Variants in CUX1 observed in about 807,000 individuals in gnomAD.
CUX1 encodes cut like homeobox 1, also known as protein CASP.
In CUX1, 31 loss-of-function variants were observed where a neutral mutation model predicts 158.8. The ratio of observed to expected loss-of-function variants is 0.20; its 90% CI spans 0.15 to 0.26. The LOEUF (loss-of-function observed/expected upper bound fraction) is 0.26, where lower values mean the gene tolerates loss of function less well. CUX1 is among the 10% of genes least tolerant of loss of function. CUX1 has a pLI of 1.00. For synonymous variants in CUX1, 879 were observed against 862.1 expected (o/e 1.02, Z -0.34); for missense variants, 1,589 against 2,014.6 (o/e 0.79, Z 4.04).
intron 3 of CUX1, among the ~76,000 whole-genome samples, chr7:102,063,313 A>C (rs1825144043): frequency 6.6e-6 from 1 of 151,834 alleles, no homozygotes; most frequent in Non-Finnish European, 1.5e-5. Context: ...AGTGGCTGTC[A>C]TCATCTCACA....
intron 14 of CUX1, among the ~76,000 whole-genome samples, chr7:102,266,734 C>T (rs1790838365): frequency 6.6e-6 from 1 of 152,120 alleles, no homozygotes; most frequent in African/African-American, 2.4e-5. Context: ...GCTGCTAACA[C>T]AGCAGCTCAG....
At chr7:101,946,574 G>T (rs896308246) in intron 2 of CUX1, among the ~76,000 whole-genome samples, 3 of 151,508 alleles carry the variant, frequency 2.0e-5, no homozygotes, top group Admixed American at 6.6e-5. Flanking sequence ...AAGAGAGAAG[G>T]GTTTCCAGCA....
intron 18 of CUX1, among the ~76,000 whole-genome samples, chr7:102,278,765 A>G (rs1791819167): frequency 6.6e-6 from 1 of 151,148 alleles, no homozygotes; most frequent in Non-Finnish European, 1.5e-5. Flanking sequence ...AGAAAATACT[A>G]GCCAGAAGGG....
chr7:102,149,044 A>C (rs1416899395), intron 8 of CUX1, among the ~76,000 whole-genome samples: 1 of 152,118 alleles, frequency 6.6e-6, no homozygotes, highest in East Asian at 1.9e-4. Context: ...TCGTGAGATA[A>C]GAAATATTCA....
At chr7:101,980,194 A>G in intron 2 of CUX1, among the ~76,000 whole-genome samples, 1 of 152,090 alleles carries the variant, frequency 6.6e-6, no homozygotes. Context: ...TGATGCCACT[A>G]CTCAGGATCT....
chr7:102,135,555 TTG>T (rs1159056399), intron 8 of CUX1, among the ~76,000 whole-genome samples: 3 of 140,850 alleles, frequency 2.1e-5, no homozygotes, highest in East Asian at 1.9e-4. Context: ...GAGGGTCAAC[TTG>T]TGTGTGTGTG....
chr7:101,895,495 G>T (rs1463784390), intron 1 of CUX1, among the ~76,000 whole-genome samples: 1 of 152,116 alleles, frequency 6.6e-6, no homozygotes, highest in East Asian at 1.9e-4. Flanking sequence ...GGAAATAAAG[G>T]AACTTGAGAC....
chr7:102,100,460 C>T (rs1829656104), intron 5 of CUX1, among the ~76,000 whole-genome samples: 1 of 152,204 alleles, frequency 6.6e-6, no homozygotes, highest in African/African-American at 2.4e-5. Flanking sequence ...ATACACACAG[C>T]ATTTGGCACT....
At chr7:101,924,829 C>T (rs1429301113) in intron 2 of CUX1, among the ~76,000 whole-genome samples, 1 of 152,136 alleles carries the variant, frequency 6.6e-6, no homozygotes, top group Non-Finnish European at 1.5e-5. Context: ...CCCACCTCAG[C>T]CTCCCAAAAT....
At chr7:102,192,349 C>T (rs1226270758) in intron 12 of CUX1, among the ~76,000 whole-genome samples, 1 of 152,190 alleles carries the variant, frequency 6.6e-6, no homozygotes, top group African/African-American at 2.4e-5. Context: ...TGGAGTCTTG[C>T]CTATTACCTG....
intron 3 of CUX1, among the ~76,000 whole-genome samples, chr7:102,031,642 C>G (rs1024380458): frequency 7.2e-5 from 11 of 152,022 alleles, no homozygotes; most frequent in African/African-American, 2.4e-4. Context: ...CAAGCCTCCG[C>G]TAATTTATAA....
chr7:101,875,876 A>C (rs1375062634), intron 1 of CUX1, among the ~76,000 whole-genome samples: 1 of 152,044 alleles, frequency 6.6e-6, no homozygotes, highest in Non-Finnish European at 1.5e-5. Context: ...TGATTTTTAC[A>C]AAGCAAAAAA....
At chr7:101,958,071 A>G (rs1809984766) in intron 2 of CUX1, among the ~76,000 whole-genome samples, 1 of 152,194 alleles carries the variant, frequency 6.6e-6, no homozygotes, top group Admixed American at 6.5e-5. Context: ...CCTTTGCTGG[A>G]ACATGTTTCT....
intron 2 of CUX1, among the ~76,000 whole-genome samples, chr7:101,922,692 G>T (rs1322946455): frequency 1.3e-5 from 2 of 152,188 alleles, no homozygotes; most frequent in African/African-American, 4.8e-5. Flanking sequence ...GAGCTTTGGG[G>T]TGGGTGACAG....
intron 5 of CUX1, among the ~76,000 whole-genome samples, chr7:102,103,178 GC>G (rs1428221924): frequency 6.6e-6 from 1 of 152,106 alleles, no homozygotes; most frequent in Non-Finnish European, 1.5e-5. Flanking sequence ...CAGGCCACAT[GC>G]CAGTCACCGG....
intron 9 of CUX1, among the ~76,000 whole-genome samples, chr7:102,161,755 C>T (rs560152693): frequency 6.0e-4 from 91 of 152,234 alleles, no homozygotes; most frequent in African/African-American, 2.0e-3. Flanking sequence ...GGATTATAGG[C>T]GCCCACCATG....
chr7:101,981,728 C>T (rs775078207), intron 2 of CUX1, among the ~76,000 whole-genome samples: 4 of 152,032 alleles, frequency 2.6e-5, no homozygotes, highest in Non-Finnish European at 5.9e-5. Flanking sequence ...CTCCTGCCTC[C>T]GTCTCCTGAG....
At chr7:101,977,863 G>A (rs193054872) in intron 2 of CUX1, among the ~76,000 whole-genome samples, 2 of 152,268 alleles carry the variant, frequency 1.3e-5, no homozygotes, top group African/African-American at 2.4e-5. Context: ...TTTAAGCATG[G>A]TTATATATGG....
intron 3 of CUX1, among the ~76,000 whole-genome samples, chr7:102,038,789 C>T (rs1285595490): frequency 2.0e-5 from 3 of 151,848 alleles, no homozygotes; most frequent in African/African-American, 4.8e-5. Flanking sequence ...TCCATCTTGA[C>T]AAAAAAATTT....
Sources: gnomAD v4.1 joint callset for allele counts (sites outside exome capture counted in the v4.1 genomes callset) on GRCh38, gnomAD v4.1.1 for gene constraint, MANE v1.5 for transcripts, NCBI Gene and HGNC (gene_info 2026-07-23, HGNC 2026-07-21) for gene names.